PATJ: variants seen among roughly 807,000 people sequenced by gnomAD.
The protein encoded by PATJ is PATJ crumbs cell polarity complex component, also known as inaD-like protein.
PATJ carries 190 observed loss-of-function variants against 224.9 expected under a neutral mutation model. That is an observed-to-expected ratio of 0.84 (90% CI 0.75 to 0.95). The LOEUF (loss-of-function observed/expected upper bound fraction) is 0.95. PATJ is among the 40% of genes least tolerant of loss of function. PATJ has a pLI of 0.00. For synonymous variants in PATJ, 769 were observed against 820.3 expected, an observed-to-expected ratio of 0.94 and a Z score of 1.07; for missense variants, 2,121 against 2,270.3, an observed-to-expected ratio of 0.93 and a Z score of 1.34.
intron 8 of PATJ, among the ~76,000 whole-genome samples, chr1:61,789,222 T>C (rs1649242198): frequency 6.6e-6 from 1 of 151,726 alleles, no homozygotes; most frequent in African/African-American, 2.4e-5. Context: ...TGGAGAATCA[T>C]GTCAACCGAG....
At chr1:62,096,453 A>T (rs1661407548) in intron 33 of PATJ, among the ~76,000 whole-genome samples, 1 of 152,208 alleles carries the variant, frequency 6.6e-6, no homozygotes, top group Non-Finnish European at 1.5e-5. Flanking sequence ...GTTGGCATTC[A>T]CATGGTCCTT....
intron 20 of PATJ, among the ~76,000 whole-genome samples, chr1:61,869,728 C>T (rs1666032106): frequency 6.6e-6 from 1 of 152,172 alleles, no homozygotes; most frequent in African/African-American, 2.4e-5. Context: ...TGTGAGTGAA[C>T]AAGGTGGGAA....
At chr1:62,107,521 T>G (rs1275693418) in intron 33 of PATJ, among the ~76,000 whole-genome samples, 1 of 152,098 alleles carries the variant, frequency 6.6e-6, no homozygotes. Context: ...CAAGCTCAAT[T>G]TAATATTTTT....
intron 14 of PATJ, among the ~76,000 whole-genome samples, chr1:61,809,472 C>T (rs1353297044): frequency 6.6e-6 from 1 of 150,804 alleles, no homozygotes; most frequent in Non-Finnish European, 1.5e-5. Context: ...ACCGCAACCT[C>T]TGCCTCCCGG....
At chr1:61,797,073 G>T (rs1286516762) in intron 10 of PATJ, among the ~76,000 whole-genome samples, 2 of 152,016 alleles carry the variant, frequency 1.3e-5, no homozygotes, top group East Asian at 3.9e-4. Context: ...CACCATGTTG[G>T]CTAGTCTGGT....
intron 29 of PATJ, among the ~76,000 whole-genome samples, chr1:62,033,619 C>T (rs909131753): frequency 4.6e-5 from 7 of 152,110 alleles, no homozygotes; most frequent in African/African-American, 1.7e-4. Flanking sequence ...CTAGTGTAGA[C>T]ATTTTGGCCC....
At chr1:61,925,718 T>C (rs1028110977) in intron 26 of PATJ, among the ~76,000 whole-genome samples, 2 of 152,138 alleles carry the variant, frequency 1.3e-5, no homozygotes, top group Non-Finnish European at 2.9e-5. Flanking sequence ...AAAACATGAC[T>C]GAAAATTATG....
intron 27 of PATJ, among the ~76,000 whole-genome samples, chr1:61,936,239 T>C (rs557387012): frequency 1.3e-5 from 2 of 151,120 alleles, no homozygotes; most frequent in African/African-American, 4.8e-5. Flanking sequence ...TATATACATA[T>C]ATATTTTAAT....
rs1646887477 is a variant in PATJ, at chr1:62,018,065, T to C, written c.3959+118T>C. 1 of 581,588 alleles carries C rather than the reference T, an allele frequency of 1.7e-6. No homozygotes were observed. The highest frequency in any genetic ancestry group is 3.2e-6 in the Non-Finnish European group (1 of 312,646). The allele number at this position is 581,588 out of a possible 1,614,324, so 36.0% of individuals were successfully genotyped here. On this transcript the variant is annotated intron_variant, in intron 29 of 43. Coordinates refer to ENST00000642238, the MANE Select transcript of PATJ (RefSeq NM_001350145.3). The surrounding 1 kb of genome is among the most constrained non-coding windows in gnomAD (Gnocchi z 4.2). ...AATCACTGTTCCTTCTAAAAACATA[T>C]ATTCCTTTTGTAACTGTCACTTCAA...
intron 28 of PATJ, chr1:61,991,553 G>A (rs557150734): frequency 2.4e-5 from 24 of 985,228 alleles, no homozygotes; most frequent in Non-Finnish European, 2.8e-5. Flanking sequence ...GCCACAGCTG[G>A]CCAGGTGCAA....
chr1:61,989,769 C>T (rs971997842), intron 27 of PATJ, among the ~76,000 whole-genome samples: 1 of 152,160 alleles, frequency 6.6e-6, no homozygotes, highest in Non-Finnish European at 1.5e-5. Context: ...CCTGAACAAT[C>T]AGAAGGTCTT....
chr1:62,151,267 A>G (rs1001829247), intron 42 of PATJ, among the ~76,000 whole-genome samples: 6 of 152,170 alleles, frequency 3.9e-5, no homozygotes, highest in South Asian at 2.1e-4. Context: ...ACTGGTAACA[A>G]TGTGAACCAG....
chr1:61,960,854 T>C (rs1378932607), intron 27 of PATJ, among the ~76,000 whole-genome samples: 1 of 152,144 alleles, frequency 6.6e-6, no homozygotes, highest in Non-Finnish European at 1.5e-5. Flanking sequence ...GGGGAAACAC[T>C]GATTTCTGAT....
intron 14 of PATJ, among the ~76,000 whole-genome samples, chr1:61,810,679 A>C (rs1429304869): frequency 6.6e-6 from 1 of 150,872 alleles, no homozygotes. Flanking sequence ...CCTGGGCAAC[A>C]GAGCGAGACT....
chr1:61,911,882 G>C (rs1287703442), intron 25 of PATJ, among the ~76,000 whole-genome samples: 1 of 149,420 alleles, frequency 6.7e-6, no homozygotes, highest in Non-Finnish European at 1.5e-5. Flanking sequence ...TTAGGTACTA[G>C]CACAGTGCCT....
chr1:62,149,137 A>G (rs1310070509), intron 42 of PATJ, among the ~76,000 whole-genome samples: 1 of 149,348 alleles, frequency 6.7e-6, no homozygotes, highest in East Asian at 2.0e-4. Flanking sequence ...TCAAAAAAAA[A>G]AAAAAAAAAA....
At chr1:61,815,277 A>G (rs539272595) in intron 14 of PATJ, among the ~76,000 whole-genome samples, 8 of 152,294 alleles carry the variant, frequency 5.3e-5, no homozygotes, top group African/African-American at 1.7e-4. Context: ...TCTGGGTCAA[A>G]CTAAGTGAAG....
chr1:61,894,314 G>C lies in PATJ; in HGVS notation c.3132-5269G>C, dbSNP rs111337424. Among the ~76,000 whole-genome samples, 587 of 151,680 alleles carry C rather than the reference G, an allele frequency of 3.9e-3. 2 individuals are homozygous for C. Among genetic ancestry groups the C allele is most frequent in the African/African-American group, 0.013 (557 of 41,364 alleles). Reference sequence around the variant, plus strand: ...ATTCTAAAATACAGCAGAGCATGAAGATATTCCTTGCAGTAATGTCCATAT... The same window carrying C: ...ATTCTAAAATACAGCAGAGCATGAACATATTCCTTGCAGTAATGTCCATAT... On this transcript the variant is annotated intron_variant, in intron 22 of 43. Coordinates refer to ENST00000642238, the MANE Select transcript of PATJ (RefSeq NM_001350145.3).
At chr1:62,012,151 T>A (rs1004509428) in intron 28 of PATJ, among the ~76,000 whole-genome samples, 1 of 144,508 alleles carries the variant, frequency 6.9e-6, no homozygotes, top group African/African-American at 2.6e-5. Context: ...ATCCAAGACC[T>A]AAGATGGTAG....
Sources: allele counts gnomAD v4.1 joint callset (sites outside exome capture counted in the v4.1 genomes callset), GRCh38; gene constraint gnomAD v4.1.1; non-coding constraint Gnocchi (gnomAD v3.1); transcripts MANE v1.5; gene names NCBI Gene and HGNC (gene_info 2026-07-23, HGNC 2026-07-21).